SPACA6: variants seen among roughly 807,000 people sequenced by gnomAD.
SPACA6 encodes the protein sperm acrosome membrane-associated protein 6.
For synonymous variants in SPACA6, 6 were observed against 1.5 expected (o/e 4.05, Z -2.21); for missense variants, 8 against 2.8 (o/e 2.88, Z -1.34).
At chr19:51,704,718 A>C (rs563112164) in intron 8 of SPACA6, 2 of 340,344 alleles carry the variant, frequency 5.9e-6, no homozygotes, top group South Asian at 3.2e-4. Context: ...CCTCAGACCC[A>C]GGAGTCCAGG....
intron 8 of SPACA6, 149 bp from the exon 9 acceptor site, chr19:51,704,940 AC>A (rs1485564822): frequency 2.9e-6 from 1 of 346,242 alleles, no homozygotes; most frequent in East Asian, 4.4e-5. Flanking sequence ...CTTCCTTCAG[AC>A]CCAAAAGCCC....
chr19:51,695,818 G>A (rs1403844769), intron 2 of SPACA6, among the ~76,000 whole-genome samples: 1 of 152,190 alleles, frequency 6.6e-6, no homozygotes, highest in African/African-American at 2.4e-5. Context: ...GCGGAGGCCC[G>A]AGTGGGGGCT....
chr19:51,690,935 C>T (rs188897040), upstream of SPACA6, among the ~76,000 whole-genome samples: 869 of 152,150 alleles, frequency 5.7e-3, 7 homozygotes, highest in African/African-American at 0.02. Context: ...GCAGCCTCCT[C>T]CCTTCCCCTT....
Position 51,703,040 on chromosome 19 carries a change from G to A in SPACA6, c.405G>A (p.Arg135=). The change falls in exon 5 of 9, where the codon CGG becomes CGA. Residue 135 remains arginine, a synonymous_variant. Transcript: ENST00000637797. This position sits in a 1 kb window ranked among gnomAD's most constrained non-coding sequence, Gnocchi z 4.2. ...CCACAGGTCTCCAGGAGTTCGCCCG[G>A]CGTTTCCTCTGCAGCGGGTGCTACT... The part of the protein sequence containing the change: ...IPPCGLQEFA[R]RFLCSGCYSR... The A allele has an allele frequency of 5.0e-6, 2 of 399,254 alleles. No homozygotes were observed. The highest frequency in any genetic ancestry group is 6.3e-4 in the Middle Eastern group (1 of 1,590). 24.7% of individuals were successfully genotyped at this position (399,254 alleles called of 1,614,324 possible). A position where few individuals can be genotyped will look rare whatever the true frequency, so the allele number is the denominator to read the frequency against.
intron 2 of SPACA6, among the ~76,000 whole-genome samples, chr19:51,695,279 G>T (rs906226343): frequency 6.6e-6 from 1 of 152,184 alleles, no homozygotes. Context: ...TGGGGGCCAC[G>T]CAATGCCGAT....
chr19:51,692,131 GC>G (rs2083379079), upstream of SPACA6, among the ~76,000 whole-genome samples: 1 of 152,150 alleles, frequency 6.6e-6, no homozygotes, highest in Non-Finnish European at 1.5e-5. The surrounding 1 kb of genome is among the most constrained non-coding windows in gnomAD (Gnocchi z 5.6). Flanking sequence ...TGGTTGGCTA[GC>G]CCCTGGCCTC....
At chr19:51,701,990 T>G (rs1234826649) in intron 3 of SPACA6, among the ~76,000 whole-genome samples, 1 of 152,134 alleles carries the variant, frequency 6.6e-6, no homozygotes, top group Non-Finnish European at 1.5e-5. Context: ...GAAAATTGCT[T>G]GAACCCTGGA....
At chr19:51,700,570 C>T (rs1484303492) in intron 2 of SPACA6, among the ~76,000 whole-genome samples, 1 of 152,152 alleles carries the variant, frequency 6.6e-6, no homozygotes, top group African/African-American at 2.4e-5. Context: ...GGATTTGGGT[C>T]ATAGGCCACC....
At chr19:51,694,124 T>G (rs1463006350) in intron 1 of SPACA6, 6 of 231,910 alleles carry the variant, frequency 2.6e-5, no homozygotes, top group East Asian at 7.3e-5. Flanking sequence ...AAGGGGAGGA[T>G]GGAGAGTCAG....
At chr19:51,689,345 A>T (rs1333257939), upstream of SPACA6, 1 of 148,556 alleles carries the variant, frequency 6.7e-6, no homozygotes, top group East Asian at 2.1e-4. Flanking sequence ...ACGGCCGCGC[A>T]GCCGGCGGGG....
chr19:51,708,446 G>A (rs1020891391), downstream of SPACA6, among the ~76,000 whole-genome samples: 2 of 152,236 alleles, frequency 1.3e-5, no homozygotes, highest in Non-Finnish European at 2.9e-5. Context: ...AGTAGGATCT[G>A]TGGAGAAGCC....
rs1461611067 is a variant in SPACA6 at position 51,705,074 on chromosome 19, C to T, written c.942-16C>T. On this transcript the variant is annotated splice_polypyrimidine_tract_variant and intron_variant, in intron 8 of 8. Transcript: ENST00000637797. ...CCAACCCCTCCTGTAACACACATAC[C>T]TCTTTGTTTCCCCAGGATGTTCTTT... 5.0e-6 allele frequency: 2 copies of T among 401,298 alleles called. No homozygotes were observed. The highest frequency in any genetic ancestry group is 4.4e-5 in the Admixed American group (1 of 22,740). The allele number at this position is 401,298 out of a possible 1,614,324, so 24.9% of individuals were successfully genotyped here.
At chr19:51,684,089 G>A in the SPACA6 span, among the ~76,000 whole-genome samples, 2 of 152,140 alleles carry the variant, frequency 1.3e-5, no homozygotes, top group Non-Finnish European at 2.9e-5. Flanking sequence ...ATTCTGGTTG[G>A]CCTATTTTGT....
At chr19:51,688,201 T>C, upstream of SPACA6, 1 of 152,776 alleles carries the variant, frequency 6.5e-6, no homozygotes, top group Non-Finnish European at 1.5e-5. Flanking sequence ...CCTGTGCTCC[T>C]TGGCTCCTGG....
At chr19:51,694,283 G>A (rs1346740816) in intron 1 of SPACA6, 195 bp from the exon 2 acceptor site, 4 of 391,806 alleles carry the variant, frequency 1.0e-5, no homozygotes, top group Non-Finnish European at 1.8e-5. Flanking sequence ...GATAGCGACT[G>A]GTCGGGGGCA....
intron 1 of SPACA6, chr19:51,693,980 AG>A (rs200919478): frequency 0.019 from 6,469 of 341,924 alleles, 172 homozygotes; most frequent in South Asian, 0.099. Flanking sequence ...AGACTCAGAG[AG>A]GGGGAGGATG....
upstream of SPACA6, chr19:51,687,533 CAG>C (rs917508563): frequency 1.4e-5 from 2 of 147,274 alleles, no homozygotes; most frequent in African/African-American, 5.0e-5. Context: ...GTGATCCTAT[CAG>C]GGGACAGAAA....
At chr19:51,709,874 A>C (rs1420478148), downstream of SPACA6, among the ~76,000 whole-genome samples, 1 of 152,124 alleles carries the variant, frequency 6.6e-6, no homozygotes, top group Non-Finnish European at 1.5e-5. Context: ...GATGGTTCAG[A>C]ATGTTGGATG....
At chr19:51,700,227 C>T (rs1205341981) in intron 2 of SPACA6, among the ~76,000 whole-genome samples, 1 of 152,134 alleles carries the variant, frequency 6.6e-6, no homozygotes, top group Non-Finnish European at 1.5e-5. Context: ...GTACGCCAGC[C>T]TGGGCAACAG....
Sources: allele counts gnomAD v4.1 joint callset (sites outside exome capture counted in the v4.1 genomes callset), GRCh38; gene constraint gnomAD v4.1.1; non-coding constraint Gnocchi (gnomAD v3.1); transcripts MANE v1.5; gene names NCBI Gene and HGNC (gene_info 2026-07-23, HGNC 2026-07-21).